The following SETBP1 variants were observed in gnomAD, a reference collection of about 807,000 sequenced individuals.
SETBP1 encodes SET-binding protein.
In SETBP1, 9 loss-of-function variants were observed where a neutral mutation model predicts 101.0. That is an observed-to-expected ratio of 0.09 (90% CI 0.05 to 0.16). The LOEUF is 0.16. Among genes scored for constraint, SETBP1 ranks in the 10% least tolerant of loss-of-function variants. The probability of loss-of-function intolerance (pLI) is 1.00; values close to 1 mark genes in which losing one functional copy is unlikely to be tolerated. For missense variants in SETBP1, 1,858 were observed against 2,033.8 expected, an observed-to-expected ratio of 0.91 and a Z score of 1.66; for synonymous variants, 818 against 788.5, an observed-to-expected ratio of 1.04 and a Z score of -0.63.
chr18:44,928,409 T>C (rs2070751960), intron 3 of SETBP1, among the ~76,000 whole-genome samples: 2 of 152,362 alleles, frequency 1.3e-5, no homozygotes, highest in South Asian at 2.1e-4. Context: ...TGTGTCTATA[T>C]AGCAGCATGA....
At chr18:44,824,193 C>G (rs760547850) in intron 2 of SETBP1, among the ~76,000 whole-genome samples, 2 of 152,172 alleles carry the variant, frequency 1.3e-5, no homozygotes, top group African/African-American at 2.4e-5. Flanking sequence ...AATCTTAAGG[C>G]TGCAGCTCTC....
intron 5 of SETBP1, among the ~76,000 whole-genome samples, chr18:45,058,953 TCTC>T (rs2073850963): frequency 6.6e-6 from 1 of 152,136 alleles, no homozygotes; most frequent in African/African-American, 2.4e-5. Flanking sequence ...ACGGGGAACA[TCTC>T]CTCTTATCCT....
At chr18:45,005,259 C>T (rs1452445725) in intron 4 of SETBP1, among the ~76,000 whole-genome samples, 1 of 152,122 alleles carries the variant, frequency 6.6e-6, no homozygotes, top group East Asian at 1.9e-4. Flanking sequence ...GCTTTTCAAA[C>T]CATTCTTAGA....
At chr18:44,861,531 G>T (rs2069012268) in intron 2 of SETBP1, among the ~76,000 whole-genome samples, 1 of 151,974 alleles carries the variant, frequency 6.6e-6, no homozygotes, top group South Asian at 2.1e-4. Flanking sequence ...CAGAATGTTA[G>T]ATACAACATG....
At chr18:44,957,592 T>A (rs1460493917) in intron 4 of SETBP1, among the ~76,000 whole-genome samples, 4 of 152,118 alleles carry the variant, frequency 2.6e-5, no homozygotes, top group Non-Finnish European at 4.4e-5. Context: ...CCTCCACCTC[T>A]CCTTGTAGCT....
intron 2 of SETBP1, among the ~76,000 whole-genome samples, chr18:44,737,616 AG>A (rs1163711250): frequency 6.6e-6 from 1 of 152,224 alleles, no homozygotes; most frequent in Non-Finnish European, 1.5e-5. Flanking sequence ...TAACCTTAGA[AG>A]GGTCACTTCA....
In SETBP1 at chr18:44,907,527, A is replaced by G. The variant is rs192910363; in HGVS notation, c.540+38244A>G. On this transcript the variant is annotated intron_variant, in intron 3 of 5. Transcript: ENST00000649279. ...TTCCTACCAACATTTTCTGTCGTCC[A>G]TCTGTTTTATTATGGCCACCCTAGA... is the stretch of plus-strand genomic sequence containing the variant. Among the ~76,000 whole-genome samples the G allele has an allele frequency of 4.9e-3, 745 of 152,284 alleles. 7 individuals are homozygous for G. The highest frequency in any genetic ancestry group is 0.017 in the African/African-American group (717 of 41,556).
chr18:44,954,276 A>G (rs1138614), intron 4 of SETBP1, among the ~76,000 whole-genome samples: 1 of 148,208 alleles, frequency 6.7e-6, no homozygotes, highest in Non-Finnish European at 1.5e-5. Flanking sequence ...AAGACCAGAG[A>G]AGTTAGTTAT....
At chr18:44,762,186 C>G (rs2070666809) in intron 2 of SETBP1, among the ~76,000 whole-genome samples, 1 of 150,910 alleles carries the variant, frequency 6.6e-6, no homozygotes, top group Admixed American at 6.6e-5. Flanking sequence ...ACTTCTTTTC[C>G]CAGTTCTGGA....
intron 2 of SETBP1, among the ~76,000 whole-genome samples, chr18:44,848,871 C>G (rs2072786978): frequency 6.6e-6 from 1 of 152,232 alleles, no homozygotes; most frequent in Non-Finnish European, 1.5e-5. Flanking sequence ...GCACAGCTGG[C>G]TCTAGTCATA....
chr18:44,706,798 G>A (rs1040630255), intron 2 of SETBP1, among the ~76,000 whole-genome samples: 2 of 151,978 alleles, frequency 1.3e-5, no homozygotes, highest in Non-Finnish European at 2.9e-5. Context: ...GAGATGTGGT[G>A]TGATAGTCTG....
At chr18:44,746,618 T>C (rs1254988695) in intron 2 of SETBP1, among the ~76,000 whole-genome samples, 1 of 152,218 alleles carries the variant, frequency 6.6e-6, no homozygotes, top group African/African-American at 2.4e-5. Flanking sequence ...AGCTTAGTGC[T>C]CAGAACATGC....
intron 2 of SETBP1, among the ~76,000 whole-genome samples, chr18:44,817,930 G>T (rs183821691): frequency 6.6e-6 from 1 of 152,232 alleles, no homozygotes; most frequent in Non-Finnish European, 1.5e-5. Flanking sequence ...AAAAAGTCTG[G>T]CACTTACTGT....
intron 2 of SETBP1, among the ~76,000 whole-genome samples, chr18:44,809,143 A>G (rs1256713809): frequency 6.6e-6 from 1 of 152,204 alleles, no homozygotes; most frequent in Non-Finnish European, 1.5e-5. Flanking sequence ...TGAAAGAGGA[A>G]TATGTGAGAA....
At chr18:44,819,822 A>G (rs2072067496) in intron 2 of SETBP1, among the ~76,000 whole-genome samples, 2 of 152,254 alleles carry the variant, frequency 1.3e-5, no homozygotes, top group African/African-American at 2.4e-5. Flanking sequence ...TGATTGTTTC[A>G]ATATGAACTG....
chr18:44,802,852 G>A (rs908406386), intron 2 of SETBP1, among the ~76,000 whole-genome samples: 11 of 152,042 alleles, frequency 7.2e-5, no homozygotes, highest in Non-Finnish European at 4.4e-5. Context: ...TATGCACGTC[G>A]GTAACCTGCC....
chr18:44,706,362 G>C lies in SETBP1; in HGVS notation c.486+4530G>C, dbSNP rs564953653. On this transcript the variant is annotated intron_variant, in intron 2 of 5. Transcript: ENST00000649279. ...GCACTTTGGGAGGCTGAGGTGGGTG[G>C]ATCACTTGAGATCAGGAGTTCGAGA... is the stretch of plus-strand genomic sequence containing the variant. Among the ~76,000 whole-genome samples the C allele has an allele frequency of 1.8e-4, 27 of 151,844 alleles. No individual in the cohort carries two copies. In the South Asian group the frequency reaches 5.2e-3, roughly 29 times the overall value.
intron 2 of SETBP1, among the ~76,000 whole-genome samples, chr18:44,755,015 CTA>C (rs1352256844): frequency 6.6e-6 from 1 of 152,222 alleles, no homozygotes; most frequent in East Asian, 1.9e-4. Flanking sequence ...TATCTCCAAA[CTA>C]TCTTATGCCC....
rs1555679378 is a variant in SETBP1 at position 44,773,838 on chromosome 18, A to ATGTGTGTGTGTGTATG, written c.486+72019_486+72020insATGTGTGTGTGTGTGT. On this transcript the variant is annotated intron_variant, in intron 2 of 5. Coordinates refer to ENST00000649279, the MANE Select transcript of SETBP1 (RefSeq NM_015559.3). The stretch of plus-strand genomic sequence containing the variant: ...TCTCTCTCTCTGTCTCTCTCTGTTT[A>ATGTGTGTGTGTGTATG]TGTGTGTGTGTGTGTGTGTGTGTGT... 4.8e-4 allele frequency among the ~76,000 whole-genome samples: 64 copies of ATGTGTGTGTGTGTATG among 134,282 alleles called. No homozygotes were observed. In the East Asian group the frequency reaches 0.014, roughly 28 times the overall value. The allele number at this position is 134,282 out of a possible 152,430, so 88.1% of individuals were successfully genotyped here. A position where few individuals can be genotyped will look rare whatever the true frequency, so the allele number is the denominator to read the frequency against.
Sources: gnomAD v4.1 joint callset for allele counts (sites outside exome capture counted in the v4.1 genomes callset) on GRCh38, gnomAD v4.1.1 for gene constraint, MANE v1.5 for transcripts, NCBI Gene and HGNC (gene_info 2026-07-23, HGNC 2026-07-21) for gene names.